IGF2BP3: variants seen among roughly 807,000 people sequenced by gnomAD.
IGF2BP3 encodes the protein insulin like growth factor 2 mRNA binding protein 3, also known as insulin-like growth factor 2 mRNA-binding protein 3.
Under a neutral mutation model 73.8 loss-of-function variants are expected in IGF2BP3, and 9 were observed. That is an observed-to-expected ratio of 0.12 (90% CI 0.07 to 0.21). The LOEUF is 0.21. Ranked by LOEUF, IGF2BP3 falls within the 10% of genes least tolerant of loss-of-function variation. The pLI, the probability that IGF2BP3 is intolerant of heterozygous loss-of-function variation, is 1.00. For missense variants in IGF2BP3, 542 were observed against 714.0 expected, an observed-to-expected ratio of 0.76 and a Z score of 2.75; for synonymous variants, 258 against 256.7, an observed-to-expected ratio of 1.01 and a Z score of -0.05.
chr7:23,338,095 G>T (rs974268848), intron 10 of IGF2BP3, among the ~76,000 whole-genome samples: 1 of 152,080 alleles, frequency 6.6e-6, no homozygotes, highest in Non-Finnish European at 1.5e-5. Flanking sequence ...AGAGTTAGAA[G>T]GGTAAAAACA....
At chr7:23,437,942 A>C (rs1459612816) in intron 2 of IGF2BP3, among the ~76,000 whole-genome samples, 2 of 152,320 alleles carry the variant, frequency 1.3e-5, no homozygotes, top group East Asian at 3.9e-4. Context: ...CGAAAAGCCA[A>C]ATTCAAACTC....
chr7:23,331,059 A>C (rs1310506756), intron 10 of IGF2BP3, among the ~76,000 whole-genome samples: 2 of 152,212 alleles, frequency 1.3e-5, no homozygotes, highest in Non-Finnish European at 2.9e-5. Context: ...TCAGCCTCCC[A>C]AAGTGTTGGG....
At position 23,398,492 on chromosome 7, in the gene IGF2BP3, A is replaced by C. The variant is rs1385764020; in HGVS notation, c.285+20284T>G. Among the ~76,000 whole-genome samples, 9 of 152,310 alleles carry C rather than the reference A, an allele frequency of 5.9e-5. 1 individual carries two copies. The highest frequency in any genetic ancestry group is 3.9e-4 in the Admixed American group (6 of 15,298). ...AGATCCCTGAGGAATCGCCACACTG[A>C]CATCCACAATGGTTGAACTAGTTTA... On this transcript the variant is annotated intron_variant, in intron 3 of 14. Coordinates refer to ENST00000258729, the MANE Select transcript of IGF2BP3 (RefSeq NM_006547.3).
chr7:23,467,323 G>A (rs893714613), intron 2 of IGF2BP3, among the ~76,000 whole-genome samples: 2 of 152,200 alleles, frequency 1.3e-5, no homozygotes, highest in African/African-American at 4.8e-5. Context: ...CCAGAGAAAT[G>A]CATAGCAAAC....
chr7:23,313,693 T>C, intron 12 of IGF2BP3, 40 bp from the exon 13 acceptor site: 1 of 1,601,474 alleles, frequency 6.2e-7, no homozygotes, highest in Non-Finnish European at 8.5e-7. Flanking sequence ...CATTCATGTA[T>C]GAAATGGAAA....
chr7:23,401,941 A>C (rs570800165), intron 3 of IGF2BP3, among the ~76,000 whole-genome samples: 1 of 151,960 alleles, frequency 6.6e-6, no homozygotes, highest in African/African-American at 2.4e-5. Context: ...ACATGGCAAA[A>C]CCCCATCTCT....
intron 3 of IGF2BP3, among the ~76,000 whole-genome samples, chr7:23,364,504 C>T (rs1360705892): frequency 3.0e-5 from 4 of 134,664 alleles, no homozygotes; most frequent in Non-Finnish European, 4.6e-5. Context: ...GCTGAGAGCA[C>T]GCCACTGCAT....
chr7:23,335,437 C>T (rs569523176), intron 10 of IGF2BP3, among the ~76,000 whole-genome samples: 1 of 152,042 alleles, frequency 6.6e-6, no homozygotes, highest in Admixed American at 6.6e-5. Flanking sequence ...AAGGCCACCA[C>T]CCCCGGCTAA....
chr7:23,467,756 G>C (rs1168020047), intron 2 of IGF2BP3: 1 of 152,416 alleles, frequency 6.6e-6, no homozygotes, highest in East Asian at 1.9e-4. Context: ...ATTCTGTAAA[G>C]CGACATACTA....
chr7:23,413,833 A>G (rs1391099757), intron 3 of IGF2BP3: 1 of 152,182 alleles, frequency 6.6e-6, no homozygotes, highest in Non-Finnish European at 1.5e-5. Flanking sequence ...TATATTCCAT[A>G]TATTTGGGAG....
chr7:23,390,421 G>A (rs566917606), intron 3 of IGF2BP3, among the ~76,000 whole-genome samples: 252 of 152,176 alleles, frequency 1.7e-3, no homozygotes, highest in African/African-American at 5.7e-3. Context: ...CTAAACAAGC[G>A]TAGATCTGTC....
intron 3 of IGF2BP3, among the ~76,000 whole-genome samples, chr7:23,387,595 G>A (rs1786127720): frequency 6.6e-6 from 1 of 152,168 alleles, no homozygotes. Context: ...TACACTATCT[G>A]TACTACTTCC....
At chr7:23,408,752 A>C (rs142036564) in intron 3 of IGF2BP3, among the ~76,000 whole-genome samples, 3 of 152,340 alleles carry the variant, frequency 2.0e-5, no homozygotes, top group Non-Finnish European at 4.4e-5. Context: ...ATATTTATTC[A>C]CCTACATTCA....
chr7:23,465,571 C>T (rs1788549014), intron 2 of IGF2BP3, among the ~76,000 whole-genome samples: 4 of 152,170 alleles, frequency 2.6e-5, no homozygotes, highest in Admixed American at 2.6e-4. Context: ...GCCTGCCAAG[C>T]CTCCAATCAC....
At chr7:23,447,426 C>G (rs906802871) in intron 2 of IGF2BP3, among the ~76,000 whole-genome samples, 6 of 151,940 alleles carry the variant, frequency 3.9e-5, no homozygotes, top group Admixed American at 3.3e-4. Context: ...GAGTCTGACA[C>G]CAGCCTGGCC....
chr7:23,404,557 C>T (rs188051215), intron 3 of IGF2BP3, among the ~76,000 whole-genome samples: 2 of 152,236 alleles, frequency 1.3e-5, no homozygotes, highest in Non-Finnish European at 2.9e-5. Flanking sequence ...CTGAGCACCA[C>T]CTTTGTCTAC....
Position 23,336,057 on chromosome 7 carries a change from A to G in IGF2BP3, c.1203+6007T>C, listed in dbSNP as rs1003592954. 3.3e-5 allele frequency among the ~76,000 whole-genome samples: 5 copies of G among 152,206 alleles called. No individual in the cohort carries two copies. The East Asian group carries it at 9.6e-4, about 29-fold the overall frequency. On this transcript the variant is annotated intron_variant, in intron 10 of 14. Transcript: ENST00000258729. ...GGGAACTAGTAGGCAAAGTTCTAGA[A>G]TGGAATAGAGGCAAGGGATTTATCC...
intron 10 of IGF2BP3, among the ~76,000 whole-genome samples, chr7:23,339,609 G>A (rs1784658035): frequency 6.6e-6 from 1 of 152,138 alleles, no homozygotes; most frequent in Admixed American, 6.5e-5. Flanking sequence ...TTGTTGATTG[G>A]AACATGTCAC....
intron 3 of IGF2BP3, among the ~76,000 whole-genome samples, chr7:23,391,957 A>G (rs1246654893): frequency 6.6e-6 from 1 of 152,260 alleles, no homozygotes; most frequent in African/African-American, 2.4e-5. Flanking sequence ...AGCATCTGAA[A>G]CAAAACTGAA....
Sources: allele counts gnomAD v4.1 joint callset (sites outside exome capture counted in the v4.1 genomes callset), GRCh38; gene constraint gnomAD v4.1.1; transcripts MANE v1.5; gene names NCBI Gene and HGNC (gene_info 2026-07-23, HGNC 2026-07-21).